Variants in GAS2 observed in about 807,000 individuals in gnomAD.
GAS2 encodes growth arrest specific 2.
Under a neutral mutation model 37.5 loss-of-function variants are expected in GAS2, and 20 were observed. That is an observed-to-expected ratio of 0.53 (90% CI 0.37 to 0.77). GAS2 has a LOEUF of 0.77. Among genes scored for constraint, GAS2 ranks in the 30% least tolerant of loss-of-function variants. The pLI, the probability that GAS2 is intolerant of heterozygous loss-of-function variation, is 0.00. For missense variants in GAS2, 336 were observed against 373.4 expected (o/e 0.90, Z 0.82); for synonymous variants, 144 against 132.2 (o/e 1.09, Z -0.61).
chr11:22,631,077 T>G (rs1858739224), intron 1 of GAS2, among the ~76,000 whole-genome samples: 1 of 152,160 alleles, frequency 6.6e-6, no homozygotes, highest in Non-Finnish European at 1.5e-5. Context: ...TTAAGTAAAT[T>G]CCTAGGTGAT....
chr11:22,631,155 G>T (rs1858740023), intron 1 of GAS2, among the ~76,000 whole-genome samples: 1 of 152,052 alleles, frequency 6.6e-6, no homozygotes, highest in African/African-American at 2.4e-5. Flanking sequence ...GACACTATTG[G>T]TGTAAAGCAG....
At chr11:22,695,030 G>T (rs969530525) in intron 3 of GAS2, among the ~76,000 whole-genome samples, 8 of 152,116 alleles carry the variant, frequency 5.3e-5, no homozygotes, top group African/African-American at 1.9e-4. Context: ...TTAAAAAAGT[G>T]TGGGTTCGGC....
At position 22,761,420 on chromosome 11, in the gene GAS2, A is replaced by G. The variant is rs188253045; in HGVS notation, c.723+5467A>G. ...TTCTGATAATAAAAATTTCTGACAA[A>G]GTAGCAGCCAGTGGGGTCACATGTT... On this transcript the variant is annotated intron_variant, in intron 7 of 7. Transcript: ENST00000454584. Among the ~76,000 whole-genome samples the G allele has an allele frequency of 1.9e-4, 29 of 152,290 alleles. No individual in the cohort carries two copies. The East Asian group carries it at 4.4e-3, about 23-fold the overall frequency.
At chr11:22,631,465 A>G (rs945092697) in intron 1 of GAS2, among the ~76,000 whole-genome samples, 4 of 152,070 alleles carry the variant, frequency 2.6e-5, no homozygotes, top group African/African-American at 9.7e-5. Context: ...GGTTTGTTAT[A>G]TATGGCTTTT....
intron 2 of GAS2, among the ~76,000 whole-genome samples, chr11:22,680,374 TG>T (rs1452618796): frequency 6.6e-6 from 1 of 152,148 alleles, no homozygotes; most frequent in Non-Finnish European, 1.5e-5. Flanking sequence ...AAGCAGGTGC[TG>T]GTCTAGGGAT....
At chr11:22,672,184 CT>C (rs1228834150) in intron 1 of GAS2, among the ~76,000 whole-genome samples, 2 of 152,108 alleles carry the variant, frequency 1.3e-5, no homozygotes, top group African/African-American at 4.8e-5. Flanking sequence ...GGAAATGTAA[CT>C]GTGTTTTTGC....
chr11:22,641,822 GCAGTCTAATA>G (rs1401541528), intron 1 of GAS2, among the ~76,000 whole-genome samples: 2 of 152,110 alleles, frequency 1.3e-5, no homozygotes, highest in African/African-American at 2.4e-5. Context: ...AAAATGATGA[GCAGTCTAATA>G]CAGTGATTCC....
intron 1 of GAS2, among the ~76,000 whole-genome samples, chr11:22,660,512 A>G (rs1262205478): frequency 6.6e-6 from 1 of 152,228 alleles, no homozygotes; most frequent in Non-Finnish European, 1.5e-5. Context: ...GGTATTTGTT[A>G]ATCCCACTTT....
intron 7 of GAS2, among the ~76,000 whole-genome samples, chr11:22,787,675 C>T (rs533499498): frequency 1.3e-5 from 2 of 152,252 alleles, no homozygotes; most frequent in South Asian, 2.1e-4. Context: ...GGGAAAAACA[C>T]GTTTGCTTCT....
At chr11:22,774,276 G>A (rs555750217) in intron 7 of GAS2, among the ~76,000 whole-genome samples, 1 of 152,206 alleles carries the variant, frequency 6.6e-6, no homozygotes, top group Non-Finnish European at 1.5e-5. Flanking sequence ...TTACAGGCAT[G>A]AGCCACTGCG....
chr11:22,773,293 C>T (rs1855081512), intron 7 of GAS2, among the ~76,000 whole-genome samples: 1 of 151,912 alleles, frequency 6.6e-6, no homozygotes. Context: ...ACATCTGGGC[C>T]CGGTTTTCCC....
chr11:22,706,571 G>A (rs1347952423), intron 3 of GAS2, among the ~76,000 whole-genome samples: 1 of 151,904 alleles, frequency 6.6e-6, no homozygotes, highest in African/African-American at 2.4e-5. Flanking sequence ...ACCTATGAGT[G>A]AGAATATGCG....
chr11:22,755,469 T>C (rs1412817831), intron 6 of GAS2, among the ~76,000 whole-genome samples: 2 of 152,148 alleles, frequency 1.3e-5, no homozygotes, highest in Admixed American at 6.6e-5. Flanking sequence ...TATGTTAACA[T>C]ACTTTCTATT....
chr11:22,632,756 CT>C (rs146753942), intron 1 of GAS2, among the ~76,000 whole-genome samples: 1,469 of 146,102 alleles, frequency 0.01, 10 homozygotes, highest in Middle Eastern at 0.028. Flanking sequence ...TCTTTTCATT[CT>C]TTTTTTTTTT....
At chr11:22,685,269 T>G (rs1404560733) in intron 2 of GAS2, among the ~76,000 whole-genome samples, 1 of 152,162 alleles carries the variant, frequency 6.6e-6, no homozygotes, top group African/African-American at 2.4e-5. Flanking sequence ...TCAAAGTAAT[T>G]GAATGGGCCA....
At chr11:22,701,715 G>A (rs1456765888) in intron 3 of GAS2, among the ~76,000 whole-genome samples, 1 of 152,108 alleles carries the variant, frequency 6.6e-6, no homozygotes, top group African/African-American at 2.4e-5. Context: ...TGTAGTCCCA[G>A]CTACTCTGGA....
At chr11:22,650,529 C>T (rs1333796886) in intron 1 of GAS2, among the ~76,000 whole-genome samples, 58 of 149,388 alleles carry the variant, frequency 3.9e-4, no homozygotes, top group African/African-American at 1.3e-3. Flanking sequence ...GTTAAAGTCT[C>T]CCATTATTAA....
chr11:22,772,392 A>G (rs139934005), intron 7 of GAS2, among the ~76,000 whole-genome samples: 3 of 152,186 alleles, frequency 2.0e-5, no homozygotes, highest in Non-Finnish European at 4.4e-5. Flanking sequence ...AATTGCCACA[A>G]TTCTCCTTGC....
At chr11:22,762,576 A>G (rs1182381677) in intron 7 of GAS2, among the ~76,000 whole-genome samples, 1 of 152,156 alleles carries the variant, frequency 6.6e-6, no homozygotes, top group Non-Finnish European at 1.5e-5. Flanking sequence ...ACCTTTTATA[A>G]TATATTTCAT....
Sources: allele counts gnomAD v4.1 joint callset (sites outside exome capture counted in the v4.1 genomes callset), GRCh38; gene constraint gnomAD v4.1.1; transcripts MANE v1.5; gene names NCBI Gene and HGNC (gene_info 2026-07-23, HGNC 2026-07-21).